The following ATF7IP variants were observed in gnomAD, a reference collection of about 807,000 sequenced individuals.
The protein encoded by ATF7IP is activating transcription factor 7-interacting protein 1.
ATF7IP carries 23 observed loss-of-function variants against 106.4 expected under a neutral mutation model. The ratio of observed to expected loss-of-function variants is 0.22; its 90% CI spans 0.16 to 0.31. ATF7IP has a LOEUF of 0.31. Among genes scored for constraint, ATF7IP ranks in the 10% least tolerant of loss-of-function variants. The pLI is 1.00. For synonymous variants in ATF7IP, 542 were observed against 539.0 expected (o/e 1.01, Z -0.08); for missense variants, 1,334 against 1,524.3 (o/e 0.88, Z 2.08).
chr12:14,398,733 G>A (rs1297769203), intron 1 of ATF7IP, among the ~76,000 whole-genome samples: 1 of 151,620 alleles, frequency 6.6e-6, no homozygotes, highest in African/African-American at 2.4e-5. Context: ...TTTATCAATA[G>A]GACATATCTC....
chr12:14,498,260 T>C lies in ATF7IP; in HGVS notation c.*187T>C. ...AGCCCACAAAGCTAGAATCTTTTCC[T>C]GGACAGTTTAGGCTTTGGGGTTTGG... On this transcript the variant is annotated 3_prime_UTR_variant, in exon 15 of 15. Coordinates refer to ENST00000261168, the MANE Select transcript of ATF7IP (RefSeq NM_018179.5). 1 of 588,962 alleles carries C rather than the reference T, an allele frequency of 1.7e-6. No individual in the cohort carries two copies. The highest frequency in any genetic ancestry group is 2.6e-5 in the South Asian group (1 of 38,414). The allele number at this position is 588,962 out of a possible 1,614,324, so 36.5% of individuals were successfully genotyped here.
chr12:14,458,905 TCAC>T (rs1177820095), intron 8 of ATF7IP, among the ~76,000 whole-genome samples: 2 of 152,174 alleles, frequency 1.3e-5, no homozygotes, highest in African/African-American at 4.8e-5. Flanking sequence ...TGAAAACTAT[TCAC>T]CAAGTTATGC....
At chr12:14,464,344 C>T (rs1000879369) in intron 9 of ATF7IP, among the ~76,000 whole-genome samples, 2 of 152,150 alleles carry the variant, frequency 1.3e-5, no homozygotes, top group Middle Eastern at 6.8e-3. Flanking sequence ...AACAAACAAA[C>T]GAGAGTTTAA....
chr12:14,401,714 C>CTTTTTTTTTTT (rs3083699), intron 1 of ATF7IP, among the ~76,000 whole-genome samples: 1 of 76,880 alleles, frequency 1.3e-5, no homozygotes, highest in Non-Finnish European at 2.4e-5. Flanking sequence ...AGAGATTAAG[C>CTTTTTTTTTTT]TTTTTTTTTT....
chr12:14,432,947 A>G (rs1186023431), intron 2 of ATF7IP, among the ~76,000 whole-genome samples: 1 of 152,164 alleles, frequency 6.6e-6, no homozygotes, highest in African/African-American at 2.4e-5. Context: ...TTGAAGAGAC[A>G]TTGATTGATT....
chr12:14,416,826 G>A, intron 1 of ATF7IP: 2 of 811,028 alleles, frequency 2.5e-6, no homozygotes, highest in Non-Finnish European at 3.0e-6. Flanking sequence ...TCGGCTTTGA[G>A]CCAATCAGAC....
chr12:14,412,899 A>C (rs561680945), intron 1 of ATF7IP, among the ~76,000 whole-genome samples: 1 of 152,266 alleles, frequency 6.6e-6, no homozygotes, highest in South Asian at 2.1e-4. Context: ...CTGTAATTCT[A>C]GCTACTCAGG....
At chr12:14,473,387 C>T (rs1242829505) in intron 10 of ATF7IP, among the ~76,000 whole-genome samples, 1 of 150,768 alleles carries the variant, frequency 6.6e-6, no homozygotes, top group Admixed American at 6.6e-5. Context: ...AGGAACCTTG[C>T]AATTTTATGT....
At chr12:14,368,419 CAT>C (rs960436352) in intron 1 of ATF7IP, among the ~76,000 whole-genome samples, 1 of 152,032 alleles carries the variant, frequency 6.6e-6, no homozygotes, top group African/African-American at 2.4e-5. Context: ...AAAATGGTTA[CAT>C]ATTATTGTTA....
intron 1 of ATF7IP, among the ~76,000 whole-genome samples, chr12:14,412,468 T>A (rs1940974724): frequency 6.6e-6 from 1 of 152,146 alleles, no homozygotes; most frequent in African/African-American, 2.4e-5. Context: ...TATTTTATAG[T>A]TTTCAGAATA....
intron 2 of ATF7IP, among the ~76,000 whole-genome samples, chr12:14,433,147 T>C (rs1324164794): frequency 6.6e-6 from 1 of 152,112 alleles, no homozygotes; most frequent in Non-Finnish European, 1.5e-5. Context: ...GGTGGGAGGA[T>C]CACCTGAGGT....
At chr12:14,431,284 G>C (rs1476902715) in intron 2 of ATF7IP, among the ~76,000 whole-genome samples, 1 of 151,582 alleles carries the variant, frequency 6.6e-6, no homozygotes. Flanking sequence ...AAAGAATATG[G>C]AACTATGAAA....
intron 6 of ATF7IP, 149 bp from the exon 7 acceptor site, chr12:14,456,412 T>A: frequency 1.7e-6 from 1 of 575,592 alleles, no homozygotes; most frequent in Non-Finnish European, 3.1e-6. Flanking sequence ...ATGCCAAGAT[T>A]CAAATTATTG....
intron 5 of ATF7IP, among the ~76,000 whole-genome samples, chr12:14,445,631 T>C (rs1233179036): frequency 1.3e-5 from 2 of 152,238 alleles, no homozygotes; most frequent in African/African-American, 4.8e-5. Context: ...GGAAAATCTT[T>C]ACCTTTGAGA....
chr12:14,496,375 T>A, intron 14 of ATF7IP, 32 bp downstream of exon 14: 1 of 1,419,292 alleles, frequency 7.0e-7, no homozygotes, highest in Non-Finnish European at 1.0e-6. Context: ...TGCAAAATTC[T>A]CAACTGTAGA....
chr12:14,468,579 A>G (rs1189752272), intron 10 of ATF7IP, among the ~76,000 whole-genome samples: 1 of 152,102 alleles, frequency 6.6e-6, no homozygotes, highest in Non-Finnish European at 1.5e-5. Context: ...AGCTCTCAAT[A>G]GATATTTTAT....
chr12:14,495,489 C>T (rs1467510583), intron 13 of ATF7IP, among the ~76,000 whole-genome samples: 1 of 152,184 alleles, frequency 6.6e-6, no homozygotes, highest in African/African-American at 2.4e-5. Context: ...GAAATGAGTT[C>T]TGGGAAACTT....
intron 10 of ATF7IP, among the ~76,000 whole-genome samples, chr12:14,471,599 G>A (rs181835124): frequency 5.3e-5 from 8 of 152,136 alleles, no homozygotes; most frequent in Non-Finnish European, 1.0e-4. Context: ...GGCTTGGGAG[G>A]CCTCAGGAAA....
Position 14,461,290 on chromosome 12 carries a change from A to G in ATF7IP, c.2797+157A>G, listed in dbSNP as rs181448171. Among the ~76,000 whole-genome samples, 669 of 152,284 alleles carry G rather than the reference A, an allele frequency of 4.4e-3. 4 individuals are homozygous for G. Among genetic ancestry groups the G allele is most frequent in the African/African-American group, 0.015 (643 of 41,556 alleles). On this transcript the variant is annotated intron_variant, in intron 9 of 14. Coordinates refer to ENST00000261168, the MANE Select transcript of ATF7IP (RefSeq NM_018179.5). Reference sequence around the variant, plus strand: ...AGTAATTTTTTAGATACCTGAGAGAAATGATGTTGCTAAAATGGGGCTTGA... The same window carrying G: ...AGTAATTTTTTAGATACCTGAGAGAGATGATGTTGCTAAAATGGGGCTTGA...
Sources: allele counts gnomAD v4.1 joint callset (sites outside exome capture counted in the v4.1 genomes callset), GRCh38; gene constraint gnomAD v4.1.1; transcripts MANE v1.5; gene names NCBI Gene and HGNC (gene_info 2026-07-23, HGNC 2026-07-21).